The following SNTG1 variants were observed in gnomAD, a reference collection of about 807,000 sequenced individuals.
SNTG1 encodes the protein gamma-1-syntrophin.
Under a neutral mutation model 74.7 loss-of-function variants are expected in SNTG1, and 39 were observed. The observed-to-expected ratio is 0.52, with a 90% CI of 0.40 to 0.68. SNTG1 has a LOEUF of 0.68. SNTG1 is among the 30% of genes least tolerant of loss of function. SNTG1 has a pLI of 0.00. For synonymous variants in SNTG1, 254 were observed against 217.1 expected, an observed-to-expected ratio of 1.17 and a Z score of -1.49; for missense variants, 685 against 609.5, an observed-to-expected ratio of 1.12 and a Z score of -1.30.
intron 1 of SNTG1, among the ~76,000 whole-genome samples, chr8:49,921,686 G>A (rs529574726): frequency 6.6e-6 from 1 of 152,190 alleles, no homozygotes; most frequent in East Asian, 1.9e-4. Context: ...GGTGATTAAG[G>A]TCTAGTGATT....
chr8:50,102,943 T>C (rs939623697), intron 1 of SNTG1, among the ~76,000 whole-genome samples: 12 of 151,476 alleles, frequency 7.9e-5, no homozygotes, highest in Non-Finnish European at 1.8e-4. Context: ...ACCAGTACCA[T>C]GCTGTTTTGG....
intron 1 of SNTG1, among the ~76,000 whole-genome samples, chr8:49,922,810 G>A (rs111459692): frequency 1.3e-5 from 2 of 151,904 alleles, no homozygotes; most frequent in African/African-American, 4.8e-5. Flanking sequence ...TTTTATCCTG[G>A]TCCTGTTTGT....
intron 1 of SNTG1, among the ~76,000 whole-genome samples, chr8:49,948,671 G>C (rs372730520): frequency 1.6e-4 from 24 of 152,272 alleles, no homozygotes; most frequent in South Asian, 6.2e-4. Flanking sequence ...AATATCCTCT[G>C]TCTCCTCTAG....
intron 2 of SNTG1, among the ~76,000 whole-genome samples, chr8:50,275,594 C>T (rs1031841140): frequency 6.6e-6 from 1 of 152,094 alleles, no homozygotes; most frequent in Non-Finnish European, 1.5e-5. Flanking sequence ...GGTGATTTTT[C>T]TCTATTCTTC....
chr8:50,408,207 C>T (rs1224893302), intron 4 of SNTG1, among the ~76,000 whole-genome samples: 1 of 152,140 alleles, frequency 6.6e-6, no homozygotes, highest in Middle Eastern at 3.4e-3. Flanking sequence ...AGTTTCAGTC[C>T]CCAGTATGGA....
At chr8:50,199,819 C>T (rs2083919098) in intron 2 of SNTG1, among the ~76,000 whole-genome samples, 1 of 152,030 alleles carries the variant, frequency 6.6e-6, no homozygotes, top group Non-Finnish European at 1.5e-5. Flanking sequence ...ACTTCTTGCA[C>T]GTGGTTTCAG....
chr8:50,344,047 G>A (rs2091399394), intron 2 of SNTG1, among the ~76,000 whole-genome samples: 1 of 152,116 alleles, frequency 6.6e-6, no homozygotes, highest in South Asian at 2.1e-4. Context: ...TTTCCCAAAA[G>A]CAGCATGGAA....
At chr8:50,267,894 G>A (rs1433885815) in intron 2 of SNTG1, among the ~76,000 whole-genome samples, 5 of 152,146 alleles carry the variant, frequency 3.3e-5, no homozygotes, top group Non-Finnish European at 5.9e-5. Flanking sequence ...AACAAAGCAA[G>A]GGTATACATG....
At chr8:49,969,929 T>C (rs1811508714) in intron 1 of SNTG1, among the ~76,000 whole-genome samples, 1 of 151,810 alleles carries the variant, frequency 6.6e-6, no homozygotes, top group African/African-American at 2.4e-5. Flanking sequence ...TGTGTGTGTG[T>C]GTGTGTGTGT....
chr8:50,719,657 C>G (rs2095483011), intron 17 of SNTG1, among the ~76,000 whole-genome samples: 1 of 152,258 alleles, frequency 6.6e-6, no homozygotes, highest in African/African-American at 2.4e-5. Flanking sequence ...GAATAACAAA[C>G]AGCATACCAT....
At chr8:50,782,491 T>C (rs993825266) in intron 18 of SNTG1, among the ~76,000 whole-genome samples, 1 of 152,236 alleles carries the variant, frequency 6.6e-6, no homozygotes, top group Non-Finnish European at 1.5e-5. Context: ...TTCCAGTTGA[T>C]CGCATTGGCT....
In SNTG1 at chr8:50,651,273, TTCTC is replaced by T. The variant is rs566483925; in HGVS notation, c.850-5632_850-5629del. 3.0e-3 allele frequency among the ~76,000 whole-genome samples: 463 copies of T among 152,108 alleles called. 1 individual carries two copies. The highest frequency in any genetic ancestry group is 4.7e-3 in the Non-Finnish European group (322 of 68,002). ...TGGGTCTCTCCTTATCTCTCATACT[TTCTC>T]TCTTTCTTCCTAAACTTTTTCTAAA... On this transcript the variant is annotated intron_variant, in intron 13 of 18. Coordinates refer to ENST00000642720, the MANE Select transcript of SNTG1 (RefSeq NM_018967.5).
chr8:50,259,941 T>C (rs951061675), intron 2 of SNTG1, among the ~76,000 whole-genome samples: 28 of 152,146 alleles, frequency 1.8e-4, no homozygotes, highest in African/African-American at 6.0e-4. Context: ...TGAGTATTAA[T>C]AGTTCCAAGG....
chr8:50,492,650 T>C (rs2093867801), intron 8 of SNTG1, among the ~76,000 whole-genome samples: 1 of 152,216 alleles, frequency 6.6e-6, no homozygotes, highest in Admixed American at 6.5e-5. Flanking sequence ...CTTTGTCAGA[T>C]GGATTGCAAA....
chr8:49,963,631 TG>T (rs1810890175), intron 1 of SNTG1, among the ~76,000 whole-genome samples: 3 of 152,220 alleles, frequency 2.0e-5, no homozygotes, highest in Admixed American at 1.3e-4. Context: ...TTCTGTCAGC[TG>T]GGTGGAATTC....
At chr8:49,912,658 ATATAC>A (rs1805679556) in intron 1 of SNTG1, among the ~76,000 whole-genome samples, 1 of 152,218 alleles carries the variant, frequency 6.6e-6, no homozygotes, top group South Asian at 2.1e-4. Context: ...TATTGTTATA[ATATAC>A]TAAACTATGC....
intron 8 of SNTG1, among the ~76,000 whole-genome samples, chr8:50,499,907 G>A (rs193250363): frequency 1.1e-3 from 163 of 151,976 alleles, no homozygotes; most frequent in African/African-American, 3.8e-3. Context: ...ATGTTGTATT[G>A]TTTGATTTGT....
rs565297951 is a variant in SNTG1, at chr8:50,593,945, C to T, written c.849+3028C>T. Among the ~76,000 whole-genome samples the T allele has an allele frequency of 1.5e-4, 23 of 152,102 alleles. No individual in the cohort carries two copies. The South Asian group carries it at 2.9e-3, about 19-fold the overall frequency. On this transcript the variant is annotated intron_variant, in intron 13 of 18. Transcript: ENST00000642720. ...GTTGGCCAGCCTGGTCTCAAACTCC[C>T]GACCTTAAGTGATCTGCCTGCCTTG...
chr8:50,541,797 A>G (rs182372212), intron 11 of SNTG1, among the ~76,000 whole-genome samples: 12 of 151,976 alleles, frequency 7.9e-5, no homozygotes, highest in African/African-American at 2.9e-4. Context: ...TTCATCAATC[A>G]ACTTCTCTTC....
Sources: allele counts gnomAD v4.1 joint callset (sites outside exome capture counted in the v4.1 genomes callset), GRCh38; gene constraint gnomAD v4.1.1; transcripts MANE v1.5; gene names NCBI Gene and HGNC (gene_info 2026-07-23, HGNC 2026-07-21).